The following ITGBL1 variants were observed in gnomAD, a reference collection of about 807,000 sequenced individuals.
ITGBL1 encodes integrin subunit beta like 1.
A neutral mutation model predicts 68.5 loss-of-function variants in ITGBL1; 51 were observed. The observed-to-expected ratio is 0.74, with a 90% CI of 0.59 to 0.94. The LOEUF (loss-of-function observed/expected upper bound fraction) is 0.94, where lower values mean the gene tolerates loss of function less well. ITGBL1 is among the 40% of genes least tolerant of loss of function. ITGBL1 has a pLI of 0.00. For missense variants in ITGBL1, 649 were observed against 647.4 expected (o/e 1.00, Z -0.03); for synonymous variants, 209 against 227.3 (o/e 0.92, Z 0.72).
At position 101,613,152 on chromosome 13, in the gene ITGBL1, T is replaced by C. The variant is rs145664125; in HGVS notation, c.1015+14853T>C. ...ATTGCTGTTTACTCTGAAATGTTGTTGTGAGAGACCCTTGAAACAGTATAT... is the reference window on the plus strand; with the variant it reads ...ATTGCTGTTTACTCTGAAATGTTGTCGTGAGAGACCCTTGAAACAGTATAT... On this transcript the variant is annotated intron_variant, in intron 7 of 10. Coordinates refer to ENST00000376180, the MANE Select transcript of ITGBL1 (RefSeq NM_004791.3). Among the ~76,000 whole-genome samples the C allele has an allele frequency of 5.8e-4, 89 of 152,334 alleles. No individual in the cohort carries two copies. In the East Asian group the frequency reaches 0.017, roughly 28 times the overall value.
chr13:101,555,027 T>C (rs2049982746), intron 2 of ITGBL1, among the ~76,000 whole-genome samples: 1 of 152,180 alleles, frequency 6.6e-6, no homozygotes, highest in African/African-American at 2.4e-5. Flanking sequence ...TTAAACAACA[T>C]CTTTAATATT....
intron 7 of ITGBL1, among the ~76,000 whole-genome samples, chr13:101,688,373 T>A: frequency 6.6e-6 from 1 of 151,938 alleles, no homozygotes; most frequent in South Asian, 2.1e-4. Flanking sequence ...TCAGAGGAGA[T>A]TAGATTTGGG....
At chr13:101,494,220 CAG>C (rs2048822446) in intron 2 of ITGBL1, among the ~76,000 whole-genome samples, 1 of 152,146 alleles carries the variant, frequency 6.6e-6, no homozygotes, top group Non-Finnish European at 1.5e-5. Context: ...AATTGAAACT[CAG>C]AGCAATTATG....
At chr13:101,465,482 A>G (rs1337498507) in intron 2 of ITGBL1, among the ~76,000 whole-genome samples, 2 of 152,212 alleles carry the variant, frequency 1.3e-5, no homozygotes, top group African/African-American at 4.8e-5. Context: ...CAGATATGCT[A>G]TTCTTTGCTA....
At chr13:101,488,432 C>T (rs969107075) in intron 2 of ITGBL1, among the ~76,000 whole-genome samples, 13 of 152,180 alleles carry the variant, frequency 8.5e-5, no homozygotes, top group Non-Finnish European at 1.8e-4. Context: ...CCCACGTTCA[C>T]TGCTTTGAGG....
intron 8 of ITGBL1, 89 bp from the exon 9 acceptor site, chr13:101,706,667 C>A: frequency 7.6e-7 from 1 of 1,311,798 alleles, no homozygotes; most frequent in South Asian, 1.5e-5. Flanking sequence ...AAATGAGATC[C>A]TATGGTTTAC....
At chr13:101,589,809 G>A (rs770817232) in intron 6 of ITGBL1, among the ~76,000 whole-genome samples, 18 of 152,174 alleles carry the variant, frequency 1.2e-4, no homozygotes, top group Non-Finnish European at 2.5e-4. Flanking sequence ...GGCAATGCCT[G>A]GAGGTGAAGC....
At chr13:101,628,387 G>A (rs926789652) in intron 7 of ITGBL1, among the ~76,000 whole-genome samples, 8 of 150,246 alleles carry the variant, frequency 5.3e-5, no homozygotes, top group Non-Finnish European at 1.2e-4. Context: ...CCTTGTCTAT[G>A]ACTTATCTTT....
rs1367005803 is a variant in ITGBL1, at chr13:101,605,078, A to G, written c.1015+6779A>G. Among the ~76,000 whole-genome samples, 5 of 145,994 alleles carry G rather than the reference A, an allele frequency of 3.4e-5. No homozygotes were observed. In the East Asian group the frequency reaches 1.0e-3, roughly 29 times the overall value. ...TATATGTGTATATGTGTATATACAT[A>G]TATGCGTATATGTGTATATGTGTAT... On this transcript the variant is annotated intron_variant, in intron 7 of 10. Coordinates refer to ENST00000376180, the MANE Select transcript of ITGBL1 (RefSeq NM_004791.3).
intron 7 of ITGBL1, among the ~76,000 whole-genome samples, chr13:101,678,069 T>C (rs1004068601): frequency 6.6e-6 from 1 of 152,218 alleles, no homozygotes; most frequent in East Asian, 1.9e-4. Flanking sequence ...ACTATTTTTA[T>C]TTGAAATAAT....
chr13:101,708,588 C>T (rs2139591720), intron 9 of ITGBL1, among the ~76,000 whole-genome samples: 1 of 152,322 alleles, frequency 6.6e-6, no homozygotes. Flanking sequence ...GTCCCCTAAA[C>T]AGTAGCTTTT....
At chr13:101,654,092 C>T (rs931227635) in intron 7 of ITGBL1, among the ~76,000 whole-genome samples, 7 of 151,820 alleles carry the variant, frequency 4.6e-5, no homozygotes, top group East Asian at 1.9e-4. Flanking sequence ...TCTTTACAAG[C>T]GGAAGTAACA....
intron 2 of ITGBL1, among the ~76,000 whole-genome samples, chr13:101,544,545 G>GA (rs2049781214): frequency 1.3e-5 from 2 of 152,174 alleles, no homozygotes; most frequent in Non-Finnish European, 2.9e-5. Context: ...CAGTTGTCCA[G>GA]CTGCATGCTG....
chr13:101,614,457 T>C (rs1376858757), intron 7 of ITGBL1, among the ~76,000 whole-genome samples: 1 of 152,186 alleles, frequency 6.6e-6, no homozygotes, highest in Non-Finnish European at 1.5e-5. Context: ...AGGATTATAT[T>C]TTCCTTGTTA....
intron 8 of ITGBL1, among the ~76,000 whole-genome samples, chr13:101,696,616 C>T (rs1023269241): frequency 2.2e-4 from 34 of 152,238 alleles, no homozygotes; most frequent in Admixed American, 1.3e-4. Flanking sequence ...CTATAGGAAG[C>T]CTCTCTGAAA....
chr13:101,559,984 A>C (rs899977352), intron 2 of ITGBL1, among the ~76,000 whole-genome samples: 5 of 152,222 alleles, frequency 3.3e-5, no homozygotes, highest in African/African-American at 1.2e-4. Context: ...CGTTGTCCAC[A>C]TGAAAATGCT....
chr13:101,606,174 T>TTATA (rs4000927), intron 7 of ITGBL1, among the ~76,000 whole-genome samples: 3,480 of 137,922 alleles, frequency 0.025, 109 homozygotes, highest in East Asian at 0.15. Flanking sequence ...ATTAGGATTT[T>TTATA]TATATATATA....
intron 7 of ITGBL1, among the ~76,000 whole-genome samples, chr13:101,671,146 C>A (rs903411297): frequency 6.6e-6 from 1 of 152,120 alleles, no homozygotes; most frequent in South Asian, 2.1e-4. Flanking sequence ...CCAGTAATTA[C>A]TCTTGCTTAC....
chr13:101,559,757 T>C (rs1472233516), intron 2 of ITGBL1, among the ~76,000 whole-genome samples: 1 of 152,206 alleles, frequency 6.6e-6, no homozygotes, highest in Non-Finnish European at 1.5e-5. Flanking sequence ...TTTTCACTTG[T>C]AGAATGGAAA....
Sources: allele counts gnomAD v4.1 joint callset (sites outside exome capture counted in the v4.1 genomes callset), GRCh38; gene constraint gnomAD v4.1.1; transcripts MANE v1.5; gene names NCBI Gene and HGNC (gene_info 2026-07-23, HGNC 2026-07-21).